The following ADAMTS19 variants were observed in gnomAD, a reference collection of about 807,000 sequenced individuals.
ADAMTS19 encodes A disintegrin and metalloproteinase with thrombospondin motifs 19.
Under a neutral mutation model 153.3 loss-of-function variants are expected in ADAMTS19, and 93 were observed. That is an observed-to-expected ratio of 0.61 (90% CI 0.51 to 0.72). ADAMTS19 has a LOEUF of 0.72. Among genes scored for constraint, ADAMTS19 ranks in the 30% least tolerant of loss-of-function variants. The probability of loss-of-function intolerance (pLI) is 0.00; values close to 1 mark genes in which losing one functional copy is unlikely to be tolerated. For missense variants in ADAMTS19, 1,482 were observed against 1,552.1 expected (o/e 0.95, Z 0.76); for synonymous variants, 600 against 556.6 (o/e 1.08, Z -1.10).
At chr5:129,549,006 T>TCA (rs1752966676) in intron 6 of ADAMTS19, among the ~76,000 whole-genome samples, 1 of 114,694 alleles carries the variant, frequency 8.7e-6, no homozygotes. Flanking sequence ...AAGGGGAGCA[T>TCA]CACACTCCGA....
intron 6 of ADAMTS19, among the ~76,000 whole-genome samples, chr5:129,531,611 C>T (rs557345058): frequency 6.6e-6 from 1 of 152,204 alleles, no homozygotes; most frequent in Admixed American, 6.5e-5. Context: ...GGCGACTGAG[C>T]AAGACTCTGT....
chr5:129,601,122 C>T (rs549086597), intron 8 of ADAMTS19, among the ~76,000 whole-genome samples: 40 of 152,254 alleles, frequency 2.6e-4, no homozygotes, highest in African/African-American at 9.6e-4. Flanking sequence ...CCGCCCGCCT[C>T]GGTCTCCCAA....
intron 8 of ADAMTS19, among the ~76,000 whole-genome samples, chr5:129,606,282 C>T (rs1443383373): frequency 1.3e-5 from 2 of 152,158 alleles, no homozygotes; most frequent in African/African-American, 4.8e-5. Flanking sequence ...AGGGGAGGGC[C>T]AGGTTATATA....
chr5:129,735,241 T>C, intron 22 of ADAMTS19, 132 bp downstream of exon 22: 1 of 910,958 alleles, frequency 1.1e-6, no homozygotes, highest in Non-Finnish European at 1.5e-6. Context: ...CTAAATTGGA[T>C]CCATTTAAAT....
intron 21 of ADAMTS19, among the ~76,000 whole-genome samples, chr5:129,728,921 A>C (rs1246581195): frequency 6.6e-6 from 1 of 152,168 alleles, no homozygotes; most frequent in Non-Finnish European, 1.5e-5. Context: ...ACTATGTTAG[A>C]CAGGACTTCT....
chr5:129,676,611 C>T (rs1754562732), intron 16 of ADAMTS19, among the ~76,000 whole-genome samples: 1 of 152,186 alleles, frequency 6.6e-6, no homozygotes, highest in African/African-American at 2.4e-5. Flanking sequence ...ATTTAACCAA[C>T]ATCTGAGAAC....
At chr5:129,547,079 A>G (rs1398501529) in intron 6 of ADAMTS19, among the ~76,000 whole-genome samples, 2 of 150,978 alleles carry the variant, frequency 1.3e-5, no homozygotes, top group Non-Finnish European at 2.9e-5. Context: ...ATGTTATCCC[A>G]TATGGAAGAA....
intron 10 of ADAMTS19, among the ~76,000 whole-genome samples, chr5:129,626,628 C>A (rs536868181): frequency 6.6e-6 from 1 of 152,010 alleles, no homozygotes; most frequent in East Asian, 1.9e-4. Flanking sequence ...ACCTAATAGA[C>A]GATAGATAGG....
At chr5:129,600,858 GTTATTATTA>G (rs67558720) in intron 8 of ADAMTS19, among the ~76,000 whole-genome samples, 87,653 of 150,460 alleles carry the variant, frequency 0.58, 26,923 homozygotes, top group Non-Finnish European at 0.68. Flanking sequence ...AGTAGTAGGA[GTTATTATTA>G]TTATTATTAT....
chr5:129,595,110 C>T lies in ADAMTS19; in HGVS notation c.1373-1449C>T, dbSNP rs1172964636. Among the ~76,000 whole-genome samples the T allele has an allele frequency of 5.9e-5, 9 of 152,232 alleles. No homozygotes were observed. The East Asian group carries it at 1.5e-3, about 26-fold the overall frequency. On this transcript the variant is annotated intron_variant, in intron 7 of 22. Transcript: ENST00000274487. ...TGTTTCTAAAAATAATATGTTCATTCTACCTTTTGCTTAAAGATTACATCT... is the reference window on the plus strand; with the variant it reads ...TGTTTCTAAAAATAATATGTTCATTTTACCTTTTGCTTAAAGATTACATCT...
chr5:129,679,867 C>G lies in ADAMTS19; in HGVS notation c.2610C>G (p.Gly870=), dbSNP rs1209430120. The change falls in exon 17 of 23, where the codon GGC becomes GGG. Residue 870 remains glycine (G), a synonymous_variant. Transcript: ENST00000274487. ...AGTTVHYVRR[G]LWEKISAKGP... ...CTACCGTTCATTATGTAAGACGAGG[C>G]CTCTGGGAGAAGATCTCTGCCAAAG... 6.2e-7 allele frequency: 1 copy of G among 1,614,030 alleles called. No individual in the cohort carries two copies. The highest frequency in any genetic ancestry group is 1.3e-5 in the African/African-American group (1 of 75,024).
chr5:129,616,154 A>T (rs1304058370), intron 8 of ADAMTS19, among the ~76,000 whole-genome samples: 8 of 151,998 alleles, frequency 5.3e-5, no homozygotes, highest in Admixed American at 5.3e-4. Context: ...AGGAAATATG[A>T]TACAAAAATA....
chr5:129,713,422 G>A (rs1044308618), intron 21 of ADAMTS19, among the ~76,000 whole-genome samples: 1 of 152,104 alleles, frequency 6.6e-6, no homozygotes, highest in African/African-American at 2.4e-5. Context: ...GTATACAAAT[G>A]ATCAGCCAAT....
intron 10 of ADAMTS19, among the ~76,000 whole-genome samples, chr5:129,628,510 G>A (rs1752154818): frequency 6.6e-6 from 1 of 151,996 alleles, no homozygotes; most frequent in Non-Finnish European, 1.5e-5. Context: ...AATGAAGGCT[G>A]AGATTAGACG....
At chr5:129,727,217 C>T (rs540059284) in intron 21 of ADAMTS19, among the ~76,000 whole-genome samples, 1 of 152,218 alleles carries the variant, frequency 6.6e-6, no homozygotes, top group South Asian at 2.1e-4. Flanking sequence ...GAGAAGGTGA[C>T]TAGATGTTTT....
chr5:129,485,781 A>G (rs1750568805), intron 2 of ADAMTS19, among the ~76,000 whole-genome samples: 1 of 152,034 alleles, frequency 6.6e-6, no homozygotes, highest in South Asian at 2.1e-4. Flanking sequence ...TCTCTAATTG[A>G]ATGTGTTCAT....
intron 7 of ADAMTS19, among the ~76,000 whole-genome samples, chr5:129,560,174 G>C (rs995454826): frequency 1.3e-5 from 2 of 152,044 alleles, no homozygotes; most frequent in Admixed American, 1.3e-4. Flanking sequence ...CTGTCCTTTG[G>C]CATCCATTGT....
At chr5:129,487,946 T>A (rs991123657) in intron 2 of ADAMTS19, among the ~76,000 whole-genome samples, 13 of 152,118 alleles carry the variant, frequency 8.5e-5, no homozygotes, top group African/African-American at 3.1e-4. Context: ...TATCCATGTA[T>A]GGATTTGAAG....
chr5:129,601,722 CAAT>C (rs1012099829), intron 8 of ADAMTS19, among the ~76,000 whole-genome samples: 27 of 152,306 alleles, frequency 1.8e-4, no homozygotes, highest in African/African-American at 6.0e-4. Flanking sequence ...CTCCCAACAA[CAAT>C]GTGTGAAATC....
Sources: gnomAD v4.1 joint callset for allele counts (sites outside exome capture counted in the v4.1 genomes callset) on GRCh38, gnomAD v4.1.1 for gene constraint, MANE v1.5 for transcripts, NCBI Gene and HGNC (gene_info 2026-07-23, HGNC 2026-07-21) for gene names.